Variants in BAZ2B observed in about 807,000 individuals in gnomAD.
BAZ2B encodes the protein bromodomain adjacent to zinc finger domain 2B, also known as bromodomain adjacent to zinc finger domain protein 2B.
A neutral mutation model predicts 246.0 loss-of-function variants in BAZ2B; 91 were observed. The observed-to-expected ratio is 0.37, with a 90% confidence interval of 0.31 to 0.44. The LOEUF (loss-of-function observed/expected upper bound fraction) is 0.44. BAZ2B is among the 20% of genes least tolerant of loss of function. The probability of loss-of-function intolerance (pLI) is 1.00; values close to 1 mark genes in which losing one functional copy is unlikely to be tolerated. For missense variants in BAZ2B, 2,332 were observed against 2,533.7 expected (o/e 0.92, Z 1.71); for synonymous variants, 855 against 860.0 (o/e 0.99, Z 0.10).
the BAZ2B span, among the ~76,000 whole-genome samples, chr2:159,687,742 A>G: frequency 6.6e-6 from 1 of 152,216 alleles, no homozygotes; most frequent in Non-Finnish European, 1.5e-5. Context: ...GGAACTCCCA[A>G]TTTGTAGTCA....
intron 2 of BAZ2B, among the ~76,000 whole-genome samples, chr2:159,521,351 C>A (rs1288209443): frequency 6.6e-6 from 1 of 151,978 alleles, no homozygotes; most frequent in Non-Finnish European, 1.5e-5. Context: ...AATTTTCTTT[C>A]TTTTCCTTAA....
At chr2:159,697,560 A>G in the BAZ2B span, among the ~76,000 whole-genome samples, 5 of 152,206 alleles carry the variant, frequency 3.3e-5, no homozygotes, top group Non-Finnish European at 7.4e-5. Context: ...GTCAAGTTCA[A>G]TAAATAAGTA....
chr2:159,479,465 A>C (rs1038030395), intron 2 of BAZ2B, among the ~76,000 whole-genome samples: 4 of 152,222 alleles, frequency 2.6e-5, no homozygotes, highest in African/African-American at 9.6e-5. Context: ...CCCACAATCA[A>C]GCAAGAAAGT....
At chr2:159,465,693 G>A (rs1463952966) in intron 3 of BAZ2B, among the ~76,000 whole-genome samples, 1 of 152,122 alleles carries the variant, frequency 6.6e-6, no homozygotes, top group Non-Finnish European at 1.5e-5. Context: ...AGGCCGAGGT[G>A]GGCAGATCAC....
At chr2:159,646,220 A>G in the BAZ2B span, among the ~76,000 whole-genome samples, 1 of 152,178 alleles carries the variant, frequency 6.6e-6, no homozygotes, top group South Asian at 2.1e-4. Flanking sequence ...CCTTGCTGAG[A>G]AAAAGAATTC....
Position 159,429,279 on chromosome 2 carries a change from G to A in BAZ2B, c.2195-19C>T. The A allele has an allele frequency of 1.4e-6, 2 of 1,473,318 alleles. No individual in the cohort carries two copies. The highest frequency in any genetic ancestry group is 9.2e-7 in the Non-Finnish European group (1 of 1,085,088). 91.3% of individuals were successfully genotyped at this position (1,473,318 alleles called of 1,614,324 possible). A position where few individuals can be genotyped will look rare whatever the true frequency, so the allele number is the denominator to read the frequency against. ...GAAGTGCCTTTAAAAAAATTCAATT[G>A]GTTAATATAAAACATTCATTAATAT... On this transcript the variant is annotated intron_variant, in intron 10 of 36. Transcript: ENST00000392783.
intron 8 of BAZ2B, chr2:159,435,152 A>C (rs1476033085): frequency 6.6e-6 from 1 of 151,824 alleles, no homozygotes; most frequent in African/African-American, 2.4e-5. Flanking sequence ...AGATTTCACA[A>C]GTGTAAATGC....
intron 3 of BAZ2B, chr2:159,460,422 C>T (rs1477842788): frequency 6.6e-6 from 1 of 152,046 alleles, no homozygotes; most frequent in African/African-American, 2.4e-5. Flanking sequence ...AAGAAAATTG[C>T]TTACCATGAC....
chr2:159,437,424 G>T (rs2072582415), intron 8 of BAZ2B: 1 of 150,824 alleles, frequency 6.6e-6, no homozygotes, highest in Non-Finnish European at 1.5e-5. Context: ...TAGAGACAGG[G>T]TCTCACTATG....
chr2:159,462,297 C>T (rs76076124), intron 3 of BAZ2B: 12,534 of 738,676 alleles, frequency 0.017, 176 homozygotes, highest in Middle Eastern at 0.056. Flanking sequence ...AAAGCTCTAG[C>T]AAAATATCAC....
Position 159,506,260 on chromosome 2 carries a change from T to C in BAZ2B, c.-2-27539A>G, listed in dbSNP as rs539118605. On this transcript the variant is annotated intron_variant, in intron 2 of 36. Coordinates refer to ENST00000392783, the MANE Select transcript of BAZ2B (RefSeq NM_013450.4). ...GTAATCCTTACCATGGTCTATTGCT[T>C]CTTGAGGCTCTACCTCACCTATATC... 4.6e-5 allele frequency among the ~76,000 whole-genome samples: 7 copies of C among 152,178 alleles called. No homozygotes were observed. The East Asian group carries it at 1.2e-3, about 25-fold the overall frequency.
intron 2 of BAZ2B, among the ~76,000 whole-genome samples, chr2:159,480,588 A>T (rs1352854900): frequency 6.6e-6 from 1 of 152,122 alleles, no homozygotes; most frequent in Non-Finnish European, 1.5e-5. Context: ...GCGTGCACAC[A>T]CACACACACA....
At chr2:159,587,139 C>T (rs1189066572) in intron 1 of BAZ2B, among the ~76,000 whole-genome samples, 1 of 150,876 alleles carries the variant, frequency 6.6e-6, no homozygotes, top group Non-Finnish European at 1.5e-5. Flanking sequence ...AGTGCAGTGG[C>T]GCAATCTCGG....
At chr2:159,604,200 T>C (rs11693894) in intron 1 of BAZ2B, among the ~76,000 whole-genome samples, 9,944 of 152,282 alleles carry the variant, frequency 0.065, 453 homozygotes, top group East Asian at 0.23. Context: ...AAATATGATA[T>C]GGGAATTTAT....
At chr2:159,338,307 C>T (rs2066009347) in intron 31 of BAZ2B, among the ~76,000 whole-genome samples, 1 of 152,166 alleles carries the variant, frequency 6.6e-6, no homozygotes, top group Non-Finnish European at 1.5e-5. Flanking sequence ...ATGAAAGGAT[C>T]CTGATAGGAA....
the BAZ2B span, among the ~76,000 whole-genome samples, chr2:159,672,505 A>G: frequency 4.7e-4 from 71 of 152,330 alleles, no homozygotes; most frequent in South Asian, 1.0e-3. Context: ...AAACAACAAC[A>G]CATCCTGTAC....
chr2:159,347,741 A>G, intron 30 of BAZ2B, 95 bp from the exon 31 acceptor site: 1 of 1,037,682 alleles, frequency 9.6e-7, no homozygotes, highest in Admixed American at 2.7e-5. Flanking sequence ...TAGGAGACCC[A>G]TGTACATCTA....
intron 7 of BAZ2B, 92 bp from the exon 8 acceptor site, chr2:159,438,787 A>G: frequency 7.1e-7 from 1 of 1,400,942 alleles, no homozygotes; most frequent in Non-Finnish European, 9.6e-7. Context: ...GGGTACTTTC[A>G]AAGTGTTCTT....
At chr2:159,626,273 G>C in the BAZ2B span, among the ~76,000 whole-genome samples, 1 of 151,978 alleles carries the variant, frequency 6.6e-6, no homozygotes, top group African/African-American at 2.4e-5. Flanking sequence ...AGATCAACAA[G>C]ACAAAAAATT....
Sources: gnomAD v4.1 joint callset for allele counts (sites outside exome capture counted in the v4.1 genomes callset) on GRCh38, gnomAD v4.1.1 for gene constraint, MANE v1.5 for transcripts, NCBI Gene and HGNC (gene_info 2026-07-23, HGNC 2026-07-21) for gene names.